The following CEP112 variants were observed in gnomAD, a reference collection of about 807,000 sequenced individuals.
The protein encoded by CEP112 is centrosomal protein 112.
In CEP112, 127 loss-of-function variants were observed where a neutral mutation model predicts 153.0. The ratio of observed to expected loss-of-function variants is 0.83; its 90% confidence interval spans 0.72 to 0.96. The LOEUF is 0.96. Among genes scored for constraint, CEP112 ranks in the 40% least tolerant of loss-of-function variants. The probability of loss-of-function intolerance (pLI) is 0.00; values close to 1 mark genes in which losing one functional copy is unlikely to be tolerated. For synonymous variants in CEP112, 358 were observed against 374.4 expected, an observed-to-expected ratio of 0.96 and a Z score of 0.51; for missense variants, 1,089 against 1,101.2, an observed-to-expected ratio of 0.99 and a Z score of 0.16.
At chr17:65,933,721 C>G (rs2061206982) in intron 18 of CEP112, among the ~76,000 whole-genome samples, 1 of 152,158 alleles carries the variant, frequency 6.6e-6, no homozygotes, top group Non-Finnish European at 1.5e-5. Context: ...GAGAAACAGT[C>G]ACTTTCATAT....
chr17:66,133,151 T>C (rs2070276007), intron 4 of CEP112, among the ~76,000 whole-genome samples: 2 of 152,278 alleles, frequency 1.3e-5, no homozygotes, highest in South Asian at 4.1e-4. Context: ...TTCATTTAAA[T>C]TATAAGAAGT....
intron 18 of CEP112, among the ~76,000 whole-genome samples, chr17:65,948,553 C>T (rs1466205072): frequency 6.7e-6 from 1 of 149,006 alleles, no homozygotes; most frequent in Non-Finnish European, 1.5e-5. Context: ...ATATAGAACG[C>T]TGTTTCTTTG....
intron 16 of CEP112, among the ~76,000 whole-genome samples, chr17:66,025,920 T>TACACACACGCATACACACACACACACAC (rs2065182505): frequency 8.0e-6 from 1 of 124,520 alleles, no homozygotes; most frequent in Non-Finnish European, 1.7e-5. Context: ...AAATGTGGCA[T>TACACACACGCATACACACACACACACAC]ACACACACAC....
chr17:65,986,656 A>G (rs994434616), intron 17 of CEP112, among the ~76,000 whole-genome samples: 6 of 152,200 alleles, frequency 3.9e-5, no homozygotes, highest in Non-Finnish European at 5.9e-5. Context: ...AGTTCAAAAC[A>G]TACTGAGAAC....
At chr17:66,183,971 A>G (rs905030342) in intron 1 of CEP112, among the ~76,000 whole-genome samples, 7 of 151,660 alleles carry the variant, frequency 4.6e-5, no homozygotes, top group Non-Finnish European at 1.0e-4. Context: ...AAAACTGACC[A>G]GGCATGATAG....
intron 8 of CEP112, among the ~76,000 whole-genome samples, chr17:66,083,564 T>G (rs1286010529): frequency 6.6e-6 from 1 of 152,148 alleles, no homozygotes; most frequent in Non-Finnish European, 1.5e-5. Context: ...AACTGACTAA[T>G]GAGGTCAGGC....
intron 21 of CEP112, among the ~76,000 whole-genome samples, chr17:65,757,317 G>A (rs1407128572): frequency 6.6e-6 from 1 of 152,164 alleles, no homozygotes; most frequent in African/African-American, 2.4e-5. Context: ...GATCCCCCAG[G>A]AACAATGATG....
intron 8 of CEP112, among the ~76,000 whole-genome samples, chr17:66,086,495 C>G (rs1167021943): frequency 7.0e-6 from 1 of 142,438 alleles, no homozygotes; most frequent in Non-Finnish European, 1.5e-5. Context: ...GGTCTGCCTC[C>G]CGGGGTCATG....
chr17:65,950,849 A>G (rs543493484), intron 18 of CEP112, among the ~76,000 whole-genome samples: 22 of 152,196 alleles, frequency 1.4e-4, no homozygotes, highest in African/African-American at 5.3e-4. Context: ...ATCTTCCAAC[A>G]TTAATTTTAT....
chr17:66,093,416 T>C (rs2146260846), intron 8 of CEP112, among the ~76,000 whole-genome samples: 1 of 151,972 alleles, frequency 6.6e-6, no homozygotes, highest in African/African-American at 2.4e-5. Flanking sequence ...GATATGATCT[T>C]ATATGTAAAA....
intron 6 of CEP112, among the ~76,000 whole-genome samples, chr17:66,113,075 A>T (rs2069130972): frequency 6.6e-6 from 1 of 152,148 alleles, no homozygotes; most frequent in Non-Finnish European, 1.5e-5. Flanking sequence ...GTCTCAAAAA[A>T]AAGTAAATAA....
At chr17:65,877,301 A>G (rs1450737568) in intron 20 of CEP112, among the ~76,000 whole-genome samples, 1 of 152,220 alleles carries the variant, frequency 6.6e-6, no homozygotes, top group Middle Eastern at 3.2e-3. Context: ...GTGGCCAGGA[A>G]ATGCAGGGGC....
chr17:65,700,069 C>G (rs1011671491), intron 23 of CEP112, among the ~76,000 whole-genome samples: 7 of 151,854 alleles, frequency 4.6e-5, no homozygotes, highest in Non-Finnish European at 1.0e-4. Flanking sequence ...TCCTCCTCCT[C>G]CTTCCCACAT....
chr17:66,068,396 T>C (rs946802286), intron 9 of CEP112, among the ~76,000 whole-genome samples: 1 of 152,248 alleles, frequency 6.6e-6, no homozygotes, highest in Admixed American at 6.5e-5. Context: ...TCATGGATCA[T>C]GCCTGTGAAT....
intron 17 of CEP112, among the ~76,000 whole-genome samples, chr17:65,970,463 CACAT>C (rs879715933): frequency 0.37 from 47,385 of 127,534 alleles, 9,309 homozygotes; most frequent in South Asian, 0.6. Context: ...CATGCATGCA[CACAT>C]GCATGTATAT....
intron 4 of CEP112, among the ~76,000 whole-genome samples, chr17:66,163,666 C>G (rs2071808769): frequency 6.6e-6 from 1 of 152,026 alleles, no homozygotes; most frequent in Non-Finnish European, 1.5e-5. Flanking sequence ...CAACTACTTA[C>G]TTTAAAATGG....
Position 65,665,076 on chromosome 17 carries a change from C to G in CEP112, c.2698-24011G>C, listed in dbSNP as rs548985416. 1.0e-3 allele frequency among the ~76,000 whole-genome samples: 159 copies of G among 152,352 alleles called. 1 individual carries two copies. The highest frequency in any genetic ancestry group is 2.5e-3 in the South Asian group (12 of 4,832). On this transcript the variant is annotated intron_variant, in intron 24 of 26. Transcript: ENST00000535342. ...CCTAATTACCTTCCAAAGGCCCCAT[C>G]TCCGATACCATCACACTGGTGCTCA...
chr17:65,986,942 C>G (rs1667747146), intron 17 of CEP112, among the ~76,000 whole-genome samples: 1 of 152,098 alleles, frequency 6.6e-6, no homozygotes, highest in Admixed American at 6.6e-5. Flanking sequence ...ACAGTGAGAG[C>G]TCAACAAGTG....
intron 8 of CEP112, among the ~76,000 whole-genome samples, chr17:66,087,654 C>T (rs2067989670): frequency 6.6e-6 from 1 of 152,120 alleles, no homozygotes; most frequent in African/African-American, 2.4e-5. Context: ...CACAAAAATA[C>T]CTTCATAAGA....
Sources: allele counts gnomAD v4.1 joint callset (sites outside exome capture counted in the v4.1 genomes callset), GRCh38; gene constraint gnomAD v4.1.1; transcripts MANE v1.5; gene names NCBI Gene and HGNC (gene_info 2026-07-23, HGNC 2026-07-21).